TRIM5: variants seen among roughly 807,000 people sequenced by gnomAD.
TRIM5 encodes the protein tripartite motif containing 5.
In TRIM5, 31 loss-of-function variants were observed where a neutral mutation model predicts 35.6. The ratio of observed to expected loss-of-function variants is 0.87; its 90% CI spans 0.65 to 1.18. The LOEUF (loss-of-function observed/expected upper bound fraction) is 1.18, where lower values mean the gene tolerates loss of function less well. Ranked by LOEUF, TRIM5 falls within the 50% of genes most tolerant of loss-of-function variation. The pLI, the probability that TRIM5 is intolerant of heterozygous loss-of-function variation, is 0.00. For missense variants in TRIM5, 609 were observed against 591.6 expected (o/e 1.03, Z -0.31); for synonymous variants, 243 against 215.6 (o/e 1.13, Z -1.11).
the TRIM5 span, among the ~76,000 whole-genome samples, chr11:5,648,988 G>C: frequency 6.6e-6 from 1 of 152,154 alleles, no homozygotes; most frequent in East Asian, 1.9e-4. Context: ...TACTAAACCA[G>C]TATAGGTGTT....
At chr11:5,632,359 C>A in the TRIM5 span, 1 of 1,614,020 alleles carries the variant, frequency 6.2e-7, no homozygotes. Flanking sequence ...GCTTAACGTA[C>A]AAGAGGAGGT....
At chr11:5,598,188 C>G in the TRIM5 span, among the ~76,000 whole-genome samples, 2 of 152,176 alleles carry the variant, frequency 1.3e-5, no homozygotes, top group East Asian at 3.8e-4. Flanking sequence ...GAGACTTGGC[C>G]TCAGTTGGAA....
At chr11:5,667,280 C>G (rs1043497062) in intron 5 of TRIM5, among the ~76,000 whole-genome samples, 1 of 152,144 alleles carries the variant, frequency 6.6e-6, no homozygotes, top group Non-Finnish European at 1.5e-5. Flanking sequence ...GGTCTTGGCT[C>G]ACTGCAACCT....
At chr11:5,610,916 C>T in the TRIM5 span, 1 of 1,614,134 alleles carries the variant, frequency 6.2e-7, no homozygotes, top group African/African-American at 1.3e-5. Flanking sequence ...TCCTGGGCTC[C>T]CAGCACTTCT....
chr11:5,671,398 G>C (rs558655463), intron 4 of TRIM5, among the ~76,000 whole-genome samples: 12 of 150,698 alleles, frequency 8.0e-5, no homozygotes, highest in Non-Finnish European at 1.8e-4. Context: ...AGACTTCAAA[G>C]CAACTATTGC....
the TRIM5 span, among the ~76,000 whole-genome samples, chr11:5,647,585 C>T: frequency 6.6e-6 from 1 of 152,142 alleles, no homozygotes; most frequent in Non-Finnish European, 1.5e-5. Context: ...TTCAGTGGTG[C>T]AATCTTGGCT....
chr11:5,611,152 T>C, the TRIM5 span: 4 of 1,614,082 alleles, frequency 2.5e-6, no homozygotes, highest in African/African-American at 5.3e-5. Flanking sequence ...CTTCTCTCCA[T>C]GACAGTGCCC....
At chr11:5,665,810 A>T in intron 6 of TRIM5, 128 bp from the exon 7 acceptor site, 1 of 1,383,818 alleles carries the variant, frequency 7.2e-7, no homozygotes, top group South Asian at 1.6e-5. Flanking sequence ...GAATGATGAG[A>T]TGAAACAGCC....
chr11:5,683,119 C>T (rs551170224), intron 1 of TRIM5, among the ~76,000 whole-genome samples: 98 of 152,344 alleles, frequency 6.4e-4, no homozygotes, highest in African/African-American at 2.3e-3. Context: ...AATTTCTCGC[C>T]GGGCCTTAGC....
chr11:5,634,530 C>CACACACATATATATATATATATATATAT, the TRIM5 span: 6 of 203,884 alleles, frequency 2.9e-5, no homozygotes, highest in African/African-American at 2.1e-4. Flanking sequence ...CACACACACA[C>CACACACATATATATATATATATATATAT]ATATATATAT....
At chr11:5,640,975 G>A in the TRIM5 span, among the ~76,000 whole-genome samples, 1 of 151,862 alleles carries the variant, frequency 6.6e-6, no homozygotes. Flanking sequence ...CTTAAGGTCA[G>A]TAGTAATATC....
At chr11:5,613,385 A>T in the TRIM5 span, among the ~76,000 whole-genome samples, 248 of 152,342 alleles carry the variant, frequency 1.6e-3, no homozygotes, top group Middle Eastern at 0.01. Flanking sequence ...TTGGGTGTCT[A>T]TGGTGAGATA....
intron 4 of TRIM5, among the ~76,000 whole-genome samples, chr11:5,676,186 G>C (rs1564919423): frequency 6.6e-6 from 1 of 151,778 alleles, no homozygotes; most frequent in Admixed American, 6.6e-5. Flanking sequence ...CTTTATAGCA[G>C]CATGATTTAT....
chr11:5,657,602 A>G, the TRIM5 span, among the ~76,000 whole-genome samples: 1 of 89,714 alleles, frequency 1.1e-5, no homozygotes, highest in Non-Finnish European at 1.9e-5. Flanking sequence ...TATATATAAT[A>G]TATATTTATA....
chr11:5,599,646 G>A, the TRIM5 span, among the ~76,000 whole-genome samples: 1 of 151,952 alleles, frequency 6.6e-6, no homozygotes, highest in Non-Finnish European at 1.5e-5. Flanking sequence ...CTTGTGATCC[G>A]CCTGCCTCAG....
At chr11:5,673,083 A>G (rs1851692346) in intron 4 of TRIM5, among the ~76,000 whole-genome samples, 1 of 152,192 alleles carries the variant, frequency 6.6e-6, no homozygotes, top group African/African-American at 2.4e-5. Context: ...AACTATATCA[A>G]TAATTGCATT....
the TRIM5 span, chr11:5,632,861 C>G: frequency 2.2e-6 from 3 of 1,368,228 alleles, no homozygotes; most frequent in South Asian, 3.2e-5. Flanking sequence ...GAGTCTCACT[C>G]TGTCGCCCAG....
chr11:5,616,114 C>A, the TRIM5 span, among the ~76,000 whole-genome samples: 3 of 150,246 alleles, frequency 2.0e-5, no homozygotes, highest in African/African-American at 7.3e-5. Context: ...CCACGCCCGG[C>A]TAATTTTTTT....
At chr11:5,608,526 T>G in the TRIM5 span, 1 of 1,393,886 alleles carries the variant, frequency 7.2e-7, no homozygotes. Context: ...GCGCATCACA[T>G]GGAGTTTTGG....
Sources: gnomAD v4.1 joint callset for allele counts (sites outside exome capture counted in the v4.1 genomes callset) on GRCh38, gnomAD v4.1.1 for gene constraint, MANE v1.5 for transcripts, NCBI Gene and HGNC (gene_info 2026-07-23, HGNC 2026-07-21) for gene names.